CFAP70: variants seen among roughly 807,000 people sequenced by gnomAD.
CFAP70 encodes cilia and flagella associated protein 70, also known as cilia- and flagella-associated protein 70.
CFAP70 carries 81 observed loss-of-function variants against 137.6 expected under a neutral mutation model. That is an observed-to-expected ratio of 0.59 (90% CI 0.49 to 0.71). The LOEUF (loss-of-function observed/expected upper bound fraction) is 0.71. Among genes scored for constraint, CFAP70 ranks in the 30% least tolerant of loss-of-function variants. The pLI is 0.00. For missense variants in CFAP70, 976 were observed against 1,226.7 expected (o/e 0.80, Z 3.05); for synonymous variants, 382 against 423.6 (o/e 0.90, Z 1.20).
At chr10:73,317,400 G>C (rs2050482095) in intron 9 of CFAP70, among the ~76,000 whole-genome samples, 1 of 152,100 alleles carries the variant, frequency 6.6e-6, no homozygotes, top group Non-Finnish European at 1.5e-5. Context: ...CTGCCTTCTG[G>C]CTTCCATTGT....
At chr10:73,327,452 A>G (rs536022038) in intron 8 of CFAP70, among the ~76,000 whole-genome samples, 28 of 147,100 alleles carry the variant, frequency 1.9e-4, no homozygotes, top group Admixed American at 1.1e-3. Flanking sequence ...CTCTCTCACC[A>G]CTCCTCTTCA....
At chr10:73,297,351 A>G (rs1305047354) in intron 14 of CFAP70, among the ~76,000 whole-genome samples, 178 bp from the exon 16 acceptor site, 1 of 152,210 alleles carries the variant, frequency 6.6e-6, no homozygotes, top group Non-Finnish European at 1.5e-5. Context: ...CATACTCTGT[A>G]TGATTTCTTC....
At chr10:73,355,172 A>T (rs2054573159) in intron 1 of CFAP70, among the ~76,000 whole-genome samples, 1 of 152,158 alleles carries the variant, frequency 6.6e-6, no homozygotes, top group African/African-American at 2.4e-5. Flanking sequence ...GCCTGTCAGG[A>T]ACTGGGCTGT....
In CFAP70 at chr10:73,311,919, A is replaced by G. The variant is rs781049769; in HGVS notation, c.1084-5T>C. ...AGATTTTATACTAGGTGCCTGCTGAAAGAAAATGAACACACCTCAAAAATT... is the reference window on the plus strand; with the variant it reads ...AGATTTTATACTAGGTGCCTGCTGAGAGAAAATGAACACACCTCAAAAATT... On this transcript the variant is annotated splice_region_variant and splice_polypyrimidine_tract_variant and intron_variant, in intron 10 of 26. Transcript: ENST00000310715. The G allele has an allele frequency of 6.2e-7, 1 of 1,611,890 alleles. No homozygotes were observed.
intron 16 of CFAP70, among the ~76,000 whole-genome samples, 199 bp from the exon 18 acceptor site, chr10:73,292,213 A>G (rs1424561592): frequency 6.6e-6 from 1 of 152,218 alleles, no homozygotes; most frequent in East Asian, 1.9e-4. Flanking sequence ...AAGTATTAAT[A>G]TAATTAAAAA....
chr10:73,329,256 C>T (rs903245438), intron 8 of CFAP70, among the ~76,000 whole-genome samples: 3 of 152,094 alleles, frequency 2.0e-5, no homozygotes, highest in East Asian at 1.9e-4. Context: ...AACCAAACAC[C>T]GCATGTTCTC....
intron 12 of CFAP70, 46 bp downstream of exon 13, chr10:73,310,112 T>C: frequency 7.7e-7 from 1 of 1,294,634 alleles, no homozygotes; most frequent in Non-Finnish European, 1.1e-6. Flanking sequence ...TCCTCTTATT[T>C]ATACCCAAAT....
chr10:73,285,824 G>GCA, intron 19 of CFAP70, among the ~76,000 whole-genome samples: 1 of 151,726 alleles, frequency 6.6e-6, no homozygotes, highest in Non-Finnish European at 1.5e-5. Context: ...TAGTAGAGAT[G>GCA]GGGTTTCACC....
At chr10:73,326,237 T>C (rs1387805484) in intron 8 of CFAP70, among the ~76,000 whole-genome samples, 2 of 151,516 alleles carry the variant, frequency 1.3e-5, no homozygotes, top group African/African-American at 4.9e-5. Flanking sequence ...TGAATGACTA[T>C]TGGGTACGTA....
chr10:73,357,166 C>T (rs2054744410), intron 1 of CFAP70, among the ~76,000 whole-genome samples: 1 of 152,040 alleles, frequency 6.6e-6, no homozygotes, highest in Admixed American at 6.6e-5. Flanking sequence ...CTGATTATAG[C>T]CAGTGTGCCA....
intron 15 of CFAP70, chr10:73,293,732 T>C: frequency 6.0e-6 from 1 of 167,922 alleles, no homozygotes; most frequent in East Asian, 1.6e-4. Context: ...TTCTGTAGTG[T>C]ATATGACAAA....
At chr10:73,322,874 A>T in intron 9 of CFAP70, 89 bp downstream of exon 10, 1 of 1,128,550 alleles carries the variant, frequency 8.9e-7, no homozygotes. Flanking sequence ...TCTAAATATC[A>T]GTTGCAAAGA....
chr10:73,343,133 C>T (rs2053411111), intron 5 of CFAP70, among the ~76,000 whole-genome samples: 1 of 151,260 alleles, frequency 6.6e-6, no homozygotes, highest in South Asian at 2.1e-4. Context: ...TCACTTGAAC[C>T]CAGAAGGCAG....
chr10:73,253,932 G>C (rs769671541), exon 27 of CFAP70: 2 of 1,488,800 alleles, frequency 1.3e-6, no homozygotes. Context: ...GGAAGGAAAG[G>C]AACTCAGAGT....
intron 9 of CFAP70, among the ~76,000 whole-genome samples, chr10:73,321,870 G>A (rs1047429617): frequency 9.2e-5 from 14 of 151,932 alleles, no homozygotes; most frequent in South Asian, 8.3e-4. Context: ...TGTAACCTCC[G>A]CCTCCCAGGT....
At chr10:73,335,550 T>C in intron 6 of CFAP70, 26 bp from the exon 8 acceptor site, 1 of 1,546,792 alleles carries the variant, frequency 6.5e-7, no homozygotes, top group Non-Finnish European at 8.9e-7. Context: ...ACTTCTGTTC[T>C]CGGTATGTGT....
intron 1 of CFAP70, 133 bp from the exon 2 acceptor site, chr10:73,354,968 A>G (rs1245799809): frequency 8.3e-6 from 5 of 604,478 alleles, no homozygotes; most frequent in African/African-American, 5.6e-5. Flanking sequence ...CCCATATCCA[A>G]CCTTTGCTGT....
intron 6 of CFAP70, among the ~76,000 whole-genome samples, chr10:73,337,790 C>T (rs2052819168): frequency 6.6e-6 from 1 of 151,902 alleles, no homozygotes; most frequent in Non-Finnish European, 1.5e-5. Flanking sequence ...CCTGTAATCC[C>T]AGTTACTTGG....
chr10:73,311,905 T>C (rs1205837599), exon 11 of CFAP70: 1 of 1,613,428 alleles, frequency 6.2e-7, no homozygotes, highest in Non-Finnish European at 8.5e-7. Flanking sequence ...GATTTTATAC[T>C]AGGTGCCTGC....
Sources: gnomAD v4.1 joint callset for allele counts (sites outside exome capture counted in the v4.1 genomes callset) on GRCh38, gnomAD v4.1.1 for gene constraint, MANE v1.5 for transcripts, NCBI Gene and HGNC (gene_info 2026-07-23, HGNC 2026-07-21) for gene names.